The following NEDD4 variants were observed in gnomAD, a reference collection of about 807,000 sequenced individuals.
NEDD4 encodes the protein E3 ubiquitin-protein ligase NEDD4.
A neutral mutation model predicts 144.9 loss-of-function variants in NEDD4; 99 were observed. The ratio of observed to expected loss-of-function variants is 0.68; its 90% CI spans 0.58 to 0.81. The LOEUF (loss-of-function observed/expected upper bound fraction) is 0.81. NEDD4 is among the 30% of genes least tolerant of loss of function. NEDD4 has a pLI of 0.00. For missense variants in NEDD4, 985 were observed against 1,065.9 expected, an observed-to-expected ratio of 0.92 and a Z score of 1.06; for synonymous variants, 318 against 350.6, an observed-to-expected ratio of 0.91 and a Z score of 1.04.
chr15:55,989,616 T>A (rs1192200075), intron 1 of NEDD4, among the ~76,000 whole-genome samples: 2 of 152,230 alleles, frequency 1.3e-5, no homozygotes, highest in African/African-American at 2.4e-5. Context: ...CAAACTGCAC[T>A]CTCCATACCG....
chr15:55,966,896 G>GT (rs1379059948), intron 1 of NEDD4, among the ~76,000 whole-genome samples: 35 of 150,962 alleles, frequency 2.3e-4, no homozygotes, highest in Middle Eastern at 3.4e-3. Flanking sequence ...TTGGCTTTTG[G>GT]TTTTTTTTTG....
rs8032218 is a variant in NEDD4 at position 55,897,273 on chromosome 15, G to A, written c.292-23265C>T. 6.9e-3 allele frequency among the ~76,000 whole-genome samples: 1,045 copies of A among 152,160 alleles called. 8 individuals are homozygous for A. The highest frequency in any genetic ancestry group is 0.024 in the African/African-American group (999 of 41,536). ...CAGGCGTGAGCCACTGCGCCCGGCC[G>A]ATATGGCATGTCTTAATGGAAAACT... is the stretch of plus-strand genomic sequence containing the variant. On this transcript the variant is annotated intron_variant, in intron 5 of 28. Coordinates refer to ENST00000435532, the MANE Select transcript of NEDD4 (RefSeq NM_006154.4).
intron 4 of NEDD4, among the ~76,000 whole-genome samples, chr15:55,944,536 A>G (rs1430131966): frequency 6.6e-6 from 1 of 152,246 alleles, no homozygotes; most frequent in African/African-American, 2.4e-5. Flanking sequence ...TACTGCCTAT[A>G]TAGACTCAAC....
chr15:55,844,061 C>CA (rs2033634560), intron 18 of NEDD4, among the ~76,000 whole-genome samples: 1 of 152,016 alleles, frequency 6.6e-6, no homozygotes, highest in South Asian at 2.1e-4. Flanking sequence ...CTATTGACTT[C>CA]AAATGAGGCA....
chr15:55,972,660 A>C (rs1460766641), intron 1 of NEDD4, among the ~76,000 whole-genome samples: 3 of 152,224 alleles, frequency 2.0e-5, no homozygotes, highest in Non-Finnish European at 4.4e-5. Context: ...CAATGAATGT[A>C]AGTGAACTAA....
chr15:55,934,957 C>T (rs2036857267), intron 4 of NEDD4, among the ~76,000 whole-genome samples: 1 of 143,076 alleles, frequency 7.0e-6, no homozygotes, highest in South Asian at 2.3e-4. Flanking sequence ...CAACCTCTGC[C>T]TCCCAGACTC....
At chr15:55,974,317 C>A (rs1024737338) in intron 1 of NEDD4, among the ~76,000 whole-genome samples, 6 of 152,168 alleles carry the variant, frequency 3.9e-5, no homozygotes, top group African/African-American at 1.4e-4. Context: ...GATGGCTTCA[C>A]TGCCAAATTC....
chr15:55,989,245 T>C (rs573205864), intron 1 of NEDD4, among the ~76,000 whole-genome samples: 1 of 152,242 alleles, frequency 6.6e-6, no homozygotes, highest in East Asian at 1.9e-4. Flanking sequence ...CAAAAGTAAA[T>C]ACATAATTTA....
chr15:55,988,407 T>C (rs1313789194), intron 1 of NEDD4, among the ~76,000 whole-genome samples: 1 of 124,178 alleles, frequency 8.1e-6, no homozygotes, highest in Non-Finnish European at 1.6e-5. Context: ...CACACCAGCA[T>C]GGCACATGTA....
chr15:55,869,974 T>C (rs1230294975), intron 7 of NEDD4, among the ~76,000 whole-genome samples: 2 of 152,132 alleles, frequency 1.3e-5, no homozygotes, highest in Non-Finnish European at 2.9e-5. Flanking sequence ...GGCCTTTGAG[T>C]TGGGGTTAGA....
At chr15:55,841,224 G>T (rs1202600495) in intron 19 of NEDD4, among the ~76,000 whole-genome samples, 1 of 152,004 alleles carries the variant, frequency 6.6e-6, no homozygotes, top group African/African-American at 2.4e-5. Context: ...GAGCCACCAC[G>T]CCCAGCCTAA....
chr15:55,910,857 T>G (rs1290162512), intron 5 of NEDD4, among the ~76,000 whole-genome samples: 3 of 152,170 alleles, frequency 2.0e-5, no homozygotes, highest in Admixed American at 6.5e-5. Flanking sequence ...TTATAATCCA[T>G]GAAACCATGA....
chr15:55,947,092 A>G lies in NEDD4; in HGVS notation c.237+4284T>C, dbSNP rs186256208. ...AATTGACACCCTAACATCACAATTG[A>G]AAGAACTAGAGAAGCAAGAGCAAAC... On this transcript the variant is annotated intron_variant, in intron 4 of 28. Coordinates refer to ENST00000435532, the MANE Select transcript of NEDD4 (RefSeq NM_006154.4). 9.9e-4 allele frequency among the ~76,000 whole-genome samples: 151 copies of G among 152,330 alleles called. 3 individuals are homozygous for G. Among genetic ancestry groups the G allele is most frequent in the Non-Finnish European group, 1.8e-3 (123 of 68,034 alleles).
chr15:55,920,942 C>T lies in NEDD4; in HGVS notation c.291+3704G>A, dbSNP rs187432655. On this transcript the variant is annotated intron_variant, in intron 5 of 28. Transcript: ENST00000435532. The stretch of plus-strand genomic sequence containing the variant: ...TTGGCTCTTTGTTTTGCTGGTAAAC[C>T]GAGTTTCTCAAGAAAAGCTGTATTT... Among the ~76,000 whole-genome samples the T allele has an allele frequency of 1.1e-4, 16 of 147,820 alleles. No homozygotes were observed. The East Asian group carries it at 2.9e-3, about 27-fold the overall frequency.
At chr15:55,971,739 C>T (rs1210273223) in intron 1 of NEDD4, among the ~76,000 whole-genome samples, 1 of 151,830 alleles carries the variant, frequency 6.6e-6, no homozygotes, top group East Asian at 1.9e-4. Flanking sequence ...AAAAAGATAT[C>T]AATATTCAGG....
chr15:55,940,265 G>A (rs904695154), intron 4 of NEDD4, among the ~76,000 whole-genome samples: 2 of 152,158 alleles, frequency 1.3e-5, no homozygotes, highest in Non-Finnish European at 2.9e-5. Context: ...AAAAGGGGGT[G>A]ATAGGAGGAA....
chr15:55,975,777 A>G (rs1016853090), intron 1 of NEDD4, among the ~76,000 whole-genome samples: 1 of 152,238 alleles, frequency 6.6e-6, no homozygotes, highest in East Asian at 1.9e-4. Context: ...AACAGAAAAA[A>G]CAATCCTAAA....
At chr15:55,904,111 G>A (rs1262639840) in intron 5 of NEDD4, among the ~76,000 whole-genome samples, 6 of 151,968 alleles carry the variant, frequency 3.9e-5, no homozygotes, top group South Asian at 2.1e-4. Context: ...ACAGAGAGCC[G>A]AGATTGCACA....
Position 55,993,581 on chromosome 15 carries a change from C to A in NEDD4, c.-26G>T, listed in dbSNP as rs751635687. On this transcript the variant is annotated 5_prime_UTR_variant, in exon 1 of 29. Coordinates refer to ENST00000435532, the MANE Select transcript of NEDD4 (RefSeq NM_006154.4). ...TTCCGAACGCTTCCAGCAAACCGGA[C>A]GCGCTCGCCCCCGCCCAGGGCAGGC... 6.3e-7 allele frequency: 1 copy of A among 1,589,448 alleles called. No homozygotes were observed. The highest frequency in any genetic ancestry group is 1.4e-5 in the African/African-American group (1 of 72,230).
Sources: allele counts gnomAD v4.1 joint callset (sites outside exome capture counted in the v4.1 genomes callset), GRCh38; gene constraint gnomAD v4.1.1; transcripts MANE v1.5; gene names NCBI Gene and HGNC (gene_info 2026-07-23, HGNC 2026-07-21).